NBPF20: variants seen among roughly 807,000 people sequenced by gnomAD.
NBPF20 encodes the protein NBPF member 20, also known as NBPF family member NBPF20.
NBPF20 carries 90 observed loss-of-function variants against 68.1 expected under a neutral mutation model. The observed-to-expected ratio is 1.32, with a 90% CI of 1.11 to 1.58. The LOEUF is 1.58. NBPF20 is among the 40% of genes most tolerant of loss of function. The pLI, the probability that NBPF20 is intolerant of heterozygous loss-of-function variation, is 0.00. For missense variants in NBPF20, 816 were observed against 601.2 expected (o/e 1.36, Z -3.74); for synonymous variants, 290 against 228.1 (o/e 1.27, Z -2.45).
chr1:145,311,040 G>C (rs1661464435), intron 113 of NBPF20, among the ~76,000 whole-genome samples: 1 of 87,184 alleles, frequency 1.1e-5, no homozygotes. Context: ...GAGGGAGAGA[G>C]AGAGAGAGAG....
At chr1:145,413,425 T>A in the NBPF20 span, among the ~76,000 whole-genome samples, 1 of 151,776 alleles carries the variant, frequency 6.6e-6, no homozygotes, top group Non-Finnish European at 1.5e-5. Flanking sequence ...TATCTATCAA[T>A]ACAAGAATGG....
exon 10 of NBPF20, chr1:145,393,104 G>C: frequency 4.2e-6 from 3 of 710,504 alleles, no homozygotes; most frequent in Admixed American, 2.8e-5. Context: ...CCAATACGCT[G>C]TTGCTCCAAT....
the NBPF20 span, among the ~76,000 whole-genome samples, chr1:145,416,848 A>AAGCT: frequency 1.3e-5 from 2 of 150,632 alleles, no homozygotes; most frequent in African/African-American, 4.9e-5. Context: ...CAGGGAAGAG[A>AAGCT]AGCTACTGGG....
rs1412735177 is a variant in NBPF20 at position 145,405,550 on chromosome 1, G to A, written c.-176C>T. ...AAGAGTGAGGTAGATTGTGGCCAGC[G>A]TGCCAGGTAACCGTCTGCAGTTGCA... On this transcript the variant is annotated 5_prime_UTR_variant, in exon 1 of 138. It adds an upstream start codon to the 5' untranslated region. Coordinates refer to ENST00000369373, the Ensembl canonical transcript of NBPF20. 1.3e-3 allele frequency: 1,400 copies of A among 1,110,396 alleles called. 6 individuals carry two copies. The highest frequency in any genetic ancestry group is 1.6e-3 in the Non-Finnish European group (1,288 of 788,556). 68.8% of individuals were successfully genotyped at this position (1,110,396 alleles called of 1,614,324 possible). A position where few individuals can be genotyped will look rare whatever the true frequency, so the allele number is the denominator to read the frequency against.
chr1:145,393,877 G>T lies in NBPF20; in HGVS notation c.1043+7C>A, dbSNP rs1360974372. 3.2e-6 allele frequency: 5 copies of T among 1,545,858 alleles called. No individual in the cohort carries two copies. The South Asian group carries it at 3.3e-5, about 10-fold the overall frequency. On this transcript the variant is annotated splice_region_variant and intron_variant, in intron 9 of 137. Coordinates refer to ENST00000369373, the Ensembl canonical transcript of NBPF20. ...CAAATTAACTCTCCACAATTTCTCA[G>T]ACTCACCTGGGACCTGTTGCCTCTT... is the stretch of plus-strand genomic sequence containing the variant.
chr1:145,408,398 A>G (rs1230184020), upstream of NBPF20, among the ~76,000 whole-genome samples: 1 of 152,024 alleles, frequency 6.6e-6, no homozygotes, highest in Non-Finnish European at 1.5e-5. Flanking sequence ...CTTATGAATA[A>G]AAAAGATTCT....
At chr1:145,417,369 A>T in the NBPF20 span, among the ~76,000 whole-genome samples, 1 of 147,422 alleles carries the variant, frequency 6.8e-6, no homozygotes, top group African/African-American at 2.5e-5. Flanking sequence ...CTAAGAGATA[A>T]AATAGGAGAA....
chr1:145,414,444 CT>C, the NBPF20 span, among the ~76,000 whole-genome samples: 1 of 147,924 alleles, frequency 6.8e-6, no homozygotes, highest in Non-Finnish European at 1.5e-5. Flanking sequence ...AGAATAGGAA[CT>C]CTTTCATTAT....
At chr1:145,395,731 C>G (rs1662203451) in intron 7 of NBPF20, among the ~76,000 whole-genome samples, 1 of 148,308 alleles carries the variant, frequency 6.7e-6, no homozygotes, top group Non-Finnish European at 1.5e-5. Context: ...GGACTTCCAG[C>G]AAACTCCAAC....
chr1:145,292,052 T>G (rs1553657952), intron 137 of NBPF20, among the ~76,000 whole-genome samples: 1 of 149,348 alleles, frequency 6.7e-6, no homozygotes, highest in African/African-American at 2.6e-5. Flanking sequence ...CAAAGGACAC[T>G]CTGAGTTAGT....
intron 136 of NBPF20, among the ~76,000 whole-genome samples, 200 bp from the exon 142 acceptor site, chr1:145,292,689 G>A (rs1376342534): frequency 1.4e-5 from 2 of 145,756 alleles, no homozygotes; most frequent in Non-Finnish European, 3.0e-5. Flanking sequence ...TGGGTAAAAT[G>A]TCCCTATTCT....
the NBPF20 span, among the ~76,000 whole-genome samples, chr1:145,416,004 G>A: frequency 4.8e-4 from 72 of 149,478 alleles, no homozygotes; most frequent in Non-Finnish European, 8.2e-4. Flanking sequence ...GGTGGCAGGC[G>A]CCTGTAATCC....
intron 29 of NBPF20, among the ~76,000 whole-genome samples, 193 bp from the exon 35 acceptor site, chr1:145,377,631 G>C (rs1661819621): frequency 7.1e-6 from 1 of 141,826 alleles, no homozygotes; most frequent in East Asian, 2.2e-4. Flanking sequence ...AGAAAGACAG[G>C]GAGAGGGAGG....
chr1:145,405,103 T>A (rs782685471), exon 2 of NBPF20: 1 of 1,613,588 alleles, frequency 6.2e-7, no homozygotes, highest in Non-Finnish European at 8.5e-7. Flanking sequence ...CTTACTGTAT[T>A]TCTTCTGCTG....
At chr1:145,397,413 C>T (rs1441134400) in intron 7 of NBPF20, among the ~76,000 whole-genome samples, 1 of 152,214 alleles carries the variant, frequency 6.6e-6, no homozygotes, top group Non-Finnish European at 1.5e-5. Flanking sequence ...TATTTCTCCA[C>T]ATCCTCTCCA....
At chr1:145,396,761 T>C (rs1191102977) in intron 7 of NBPF20, among the ~76,000 whole-genome samples, 2 of 149,866 alleles carry the variant, frequency 1.3e-5, no homozygotes, top group African/African-American at 4.9e-5. Context: ...TATGTATATA[T>C]ATATATATAT....
chr1:145,407,237 T>C (rs1662828518), upstream of NBPF20, among the ~76,000 whole-genome samples: 2 of 150,132 alleles, frequency 1.3e-5, no homozygotes, highest in African/African-American at 4.9e-5. Flanking sequence ...ATGAGAACAC[T>C]TGGACACAGG....
chr1:145,393,638 G>A lies in NBPF20; in HGVS notation c.1043+246C>T, dbSNP rs1371231670. 7 of 951,736 alleles carry A rather than the reference G, an allele frequency of 7.4e-6. No homozygotes were observed. The Admixed American group carries it at 8.0e-5, about 11-fold the overall frequency. The allele number at this position is 951,736 out of a possible 1,614,324, so 59.0% of individuals were successfully genotyped here. ...GCATAAAATGTGCTCAAGTTTCCCTGCAGTTACCATGAGAATACAGCTTTT... is the reference window on the plus strand; with the variant it reads ...GCATAAAATGTGCTCAAGTTTCCCTACAGTTACCATGAGAATACAGCTTTT... On this transcript the variant is annotated intron_variant, in intron 9 of 137. Coordinates refer to ENST00000369373, the Ensembl canonical transcript of NBPF20.
At chr1:145,425,227 C>T in the NBPF20 span, among the ~76,000 whole-genome samples, 1 of 151,760 alleles carries the variant, frequency 6.6e-6, no homozygotes, top group African/African-American at 2.4e-5. Flanking sequence ...CACGCCCCCC[C>T]CAACCCCCCA....
Sources: gnomAD v4.1 joint callset for allele counts (sites outside exome capture counted in the v4.1 genomes callset) on GRCh38, gnomAD v4.1.1 for gene constraint, MANE v1.5 for transcripts, NCBI Gene and HGNC (gene_info 2026-07-23, HGNC 2026-07-21) for gene names.